UNC80: variants seen among roughly 807,000 people sequenced by gnomAD.
UNC80 encodes the protein protein unc-80 homolog.
Under a neutral mutation model 384.6 loss-of-function variants are expected in UNC80, and 164 were observed. The ratio of observed to expected loss-of-function variants is 0.43; its 90% CI spans 0.38 to 0.49. The LOEUF is 0.49. Ranked by LOEUF, UNC80 falls within the 20% of genes least tolerant of loss-of-function variation. The pLI is 0.00. For missense variants in UNC80, 3,330 were observed against 4,143.0 expected (o/e 0.80, Z 5.39); for synonymous variants, 1,486 against 1,527.8 (o/e 0.97, Z 0.64).
At chr2:209,902,080 A>G (rs534043985) in intron 28 of UNC80, among the ~76,000 whole-genome samples, 77 of 152,338 alleles carry the variant, frequency 5.1e-4, no homozygotes, top group African/African-American at 1.8e-3. Flanking sequence ...GATTCATAAG[A>G]GGAGATCAAA....
At chr2:209,985,495 T>C (rs968141248) in intron 61 of UNC80, among the ~76,000 whole-genome samples, 2 of 152,238 alleles carry the variant, frequency 1.3e-5, no homozygotes, top group African/African-American at 4.8e-5. Flanking sequence ...ATGTCTGTTC[T>C]AGCACAAAGG....
chr2:209,905,015 A>T (rs577757293), intron 29 of UNC80, 50 bp downstream of exon 29: 13 of 1,532,432 alleles, frequency 8.5e-6, no homozygotes, highest in Non-Finnish European at 1.1e-5. Context: ...ACATGATGTC[A>T]TAACAATTTC....
At position 209,813,598 on chromosome 2, in the gene UNC80, T is replaced by G. The variant is rs1333441938; in HGVS notation, c.957T>G (p.Pro319=). The change falls in exon 8 of 65, where the codon CCT becomes CCG. Residue 319 remains proline, a synonymous_variant. Transcript: ENST00000673920. Reference sequence around the variant, plus strand: ...GGAACAGGGCCTCTCTTGTGATACCTCCGTGCCAAAGGTCCCGCTATGCCA... The same window carrying G: ...GGAACAGGGCCTCTCTTGTGATACCGCCGTGCCAAAGGTCCCGCTATGCCA... ...PSHSRASLVI[P]PCQRSRYATY... 2.6e-6 allele frequency: 4 copies of G among 1,551,554 alleles called. No homozygotes were observed.
chr2:209,937,705 C>A, intron 42 of UNC80, 75 bp downstream of exon 42: 1 of 1,176,786 alleles, frequency 8.5e-7, no homozygotes, highest in Non-Finnish European at 1.2e-6. Flanking sequence ...ACTTTGCCAA[C>A]TTTGAGATTT....
chr2:209,820,907 T>C (rs185648128), intron 13 of UNC80, among the ~76,000 whole-genome samples: 42 of 152,314 alleles, frequency 2.8e-4, no homozygotes, highest in Admixed American at 2.0e-3. Context: ...GTGTTAGAGC[T>C]AATTCTCTAG....
In UNC80 at chr2:209,800,606, A is replaced by T. The variant is rs563890783; in HGVS notation, c.938+6747A>T. Among the ~76,000 whole-genome samples the T allele has an allele frequency of 2.8e-3, 418 of 150,354 alleles. 3 individuals are homozygous for T. The highest frequency in any genetic ancestry group is 9.9e-3 in the African/African-American group (404 of 40,956). ...TTTCTTGTCTTCTGCTAGCTTTTGG[A>T]TTAGTTTATTCTTGCCTTTCTAGCT... On this transcript the variant is annotated intron_variant, in intron 7 of 64. Coordinates refer to ENST00000673920, the MANE Select transcript of UNC80 (RefSeq NM_001371986.1).
chr2:209,994,694 G>A (rs1352132146), intron 64 of UNC80, among the ~76,000 whole-genome samples: 2 of 152,124 alleles, frequency 1.3e-5, no homozygotes, highest in African/African-American at 4.8e-5. Context: ...GATTAAGGAT[G>A]CTCAACCAGG....
intron 7 of UNC80, among the ~76,000 whole-genome samples, chr2:209,794,104 T>C (rs2078007557): frequency 1.3e-5 from 2 of 152,226 alleles, no homozygotes; most frequent in African/African-American, 4.8e-5. Context: ...AATTAGGTGT[T>C]ACTTAAAATG....
At chr2:209,884,331 G>A (rs2085579098) in intron 25 of UNC80, among the ~76,000 whole-genome samples, 1 of 152,188 alleles carries the variant, frequency 6.6e-6, no homozygotes, top group African/African-American at 2.4e-5. Flanking sequence ...TAATAATAAA[G>A]AGGAAGGTGG....
intron 21 of UNC80, among the ~76,000 whole-genome samples, chr2:209,844,809 C>T (rs551122553): frequency 7.3e-5 from 11 of 151,572 alleles, no homozygotes; most frequent in Non-Finnish European, 1.5e-4. Flanking sequence ...TGCTATGTTG[C>T]CCAGGCTGGT....
intron 27 of UNC80, among the ~76,000 whole-genome samples, chr2:209,895,601 C>T (rs539326327): frequency 4.6e-5 from 7 of 152,034 alleles, no homozygotes; most frequent in South Asian, 2.1e-4. Context: ...TTAAATTGAT[C>T]GATTTATCCT....
At chr2:209,855,249 A>G (rs2082818572) in intron 22 of UNC80, among the ~76,000 whole-genome samples, 1 of 152,140 alleles carries the variant, frequency 6.6e-6, no homozygotes, top group South Asian at 2.1e-4. Flanking sequence ...GAACAATGAG[A>G]ACACATGGAC....
At chr2:209,784,701 T>G (rs1340614973) in intron 4 of UNC80, among the ~76,000 whole-genome samples, 1 of 152,222 alleles carries the variant, frequency 6.6e-6, no homozygotes, top group Non-Finnish European at 1.5e-5. Context: ...CTTCACTTCC[T>G]CTCTGCACTA....
intron 48 of UNC80, among the ~76,000 whole-genome samples, chr2:209,954,874 C>A (rs1291116927): frequency 1.3e-5 from 2 of 152,114 alleles, no homozygotes; most frequent in Non-Finnish European, 2.9e-5. Context: ...CACCAGAGTT[C>A]AGCCCTAAAC....
chr2:209,993,305 T>G lies in UNC80; in HGVS notation c.9397-10T>G. 1 of 1,550,670 alleles carries G rather than the reference T, an allele frequency of 6.4e-7. No individual in the cohort carries two copies. Among genetic ancestry groups the G allele is most frequent in the South Asian group, 1.2e-5 (1 of 83,858 alleles). Reference sequence around the variant, plus strand: ...CCTCTTGCAAGTTTTATTCTGCCTATTCTCTTTAGCTAAGACGTCCTCTAC... The same window carrying G: ...CCTCTTGCAAGTTTTATTCTGCCTAGTCTCTTTAGCTAAGACGTCCTCTAC... On this transcript the variant is annotated splice_polypyrimidine_tract_variant and intron_variant, in intron 62 of 64. Transcript: ENST00000673920.
intron 43 of UNC80, 121 bp from the exon 44 acceptor site, chr2:209,941,100 G>C: frequency 7.8e-7 from 1 of 1,276,404 alleles, no homozygotes; most frequent in Non-Finnish European, 1.0e-6. Context: ...TTCAGCAGTA[G>C]ATCTTCACAT....
At chr2:209,961,453 T>C (rs1183151685) in intron 51 of UNC80, 1 of 152,234 alleles carries the variant, frequency 6.6e-6, no homozygotes, top group East Asian at 1.9e-4. Flanking sequence ...TTTACATTTA[T>C]GTATTATTAT....
chr2:209,878,715 C>T (rs745557617), intron 24 of UNC80, among the ~76,000 whole-genome samples: 1 of 152,156 alleles, frequency 6.6e-6, no homozygotes, highest in Non-Finnish European at 1.5e-5. Flanking sequence ...TCATTTTGTG[C>T]ATACGTGTGT....
chr2:209,928,837 C>T (rs2090632310), intron 36 of UNC80, among the ~76,000 whole-genome samples: 1 of 152,164 alleles, frequency 6.6e-6, no homozygotes, highest in Non-Finnish European at 1.5e-5. Flanking sequence ...CCTCCCGCCT[C>T]CCCTTCCTAG....
Sources: gnomAD v4.1 joint callset for allele counts (sites outside exome capture counted in the v4.1 genomes callset) on GRCh38, gnomAD v4.1.1 for gene constraint, MANE v1.5 for transcripts, NCBI Gene and HGNC (gene_info 2026-07-23, HGNC 2026-07-21) for gene names.